PHTF2: variants seen among roughly 807,000 people sequenced by gnomAD.
PHTF2 encodes protein PHTF2.
Under a neutral mutation model 101.2 loss-of-function variants are expected in PHTF2, and 60 were observed. That is an observed-to-expected ratio of 0.59 (90% CI 0.48 to 0.73). The LOEUF (loss-of-function observed/expected upper bound fraction) is 0.73. Among genes scored for constraint, PHTF2 ranks in the 30% least tolerant of loss-of-function variants. PHTF2 has a pLI of 0.00. For missense variants in PHTF2, 747 were observed against 908.7 expected (o/e 0.82, Z 2.29); for synonymous variants, 311 against 307.3 (o/e 1.01, Z -0.13).
chr7:77,884,406 TC>T (rs1371713043), intron 3 of PHTF2, among the ~76,000 whole-genome samples: 5 of 152,160 alleles, frequency 3.3e-5, no homozygotes, highest in African/African-American at 1.2e-4. Flanking sequence ...CTTCTGAGTC[TC>T]CATAGTCCAT....
intron 18 of PHTF2, 133 bp downstream of exon 17, chr7:77,951,845 A>T (rs1584801791): frequency 3.6e-6 from 2 of 553,410 alleles, no homozygotes; most frequent in East Asian, 7.1e-5. Flanking sequence ...ATACTTGTGC[A>T]CATACATACA....
chr7:77,895,423 G>T (rs1800792568), intron 5 of PHTF2, among the ~76,000 whole-genome samples: 1 of 151,970 alleles, frequency 6.6e-6, no homozygotes, highest in Non-Finnish European at 1.5e-5. Context: ...GAAGAGTTGG[G>T]ATAGTCAAGC....
intron 8 of PHTF2, 36 bp downstream of exon 7, chr7:77,908,994 T>C: frequency 7.1e-7 from 1 of 1,409,164 alleles, no homozygotes; most frequent in Non-Finnish European, 9.8e-7. Flanking sequence ...TTTGTACATT[T>C]ATGTAATTTG....
intron 3 of PHTF2, among the ~76,000 whole-genome samples, chr7:77,875,226 AT>A (rs1468249411): frequency 6.6e-6 from 1 of 151,820 alleles, no homozygotes; most frequent in Non-Finnish European, 1.5e-5. Context: ...GGATGTCTTC[AT>A]TTTTTTGTGA....
At chr7:77,805,028 A>T (rs903277406) in intron 1 of PHTF2, among the ~76,000 whole-genome samples, 1 of 152,180 alleles carries the variant, frequency 6.6e-6, no homozygotes, top group Non-Finnish European at 1.5e-5. Flanking sequence ...AGTGACTTGC[A>T]CATGTAGGCT....
At chr7:77,893,736 GT>G (rs1339680655) in intron 4 of PHTF2, 72 bp downstream of exon 3, 5 of 687,406 alleles carry the variant, frequency 7.3e-6, no homozygotes, top group East Asian at 2.7e-5. Context: ...TTTCTGTAGT[GT>G]TTTTTAATAT....
chr7:77,884,540 T>A (rs1799666837), intron 3 of PHTF2, among the ~76,000 whole-genome samples: 1 of 152,210 alleles, frequency 6.6e-6, no homozygotes, highest in Admixed American at 6.5e-5. Context: ...TGATAACATT[T>A]ATTTTTTTAA....
At chr7:77,925,230 G>A (rs141381027) in intron 11 of PHTF2, among the ~76,000 whole-genome samples, 4 of 152,030 alleles carry the variant, frequency 2.6e-5, no homozygotes, top group African/African-American at 9.6e-5. Context: ...CCCCAAGAAA[G>A]CATTTATAAG....
intron 1 of PHTF2, among the ~76,000 whole-genome samples, chr7:77,822,902 AT>A (rs1794403901): frequency 7.1e-6 from 1 of 141,148 alleles, no homozygotes; most frequent in East Asian, 2.0e-4. Context: ...AAATATTTAA[AT>A]CTTTTTTTTT....
At chr7:77,814,724 A>G (rs1793718365) in intron 1 of PHTF2, among the ~76,000 whole-genome samples, 1 of 151,592 alleles carries the variant, frequency 6.6e-6, no homozygotes, top group African/African-American at 2.4e-5. Flanking sequence ...GTTGGCCAGA[A>G]TGGTCTCAAT....
chr7:77,955,016 A>C, exon 20 of PHTF2: 1 of 406,668 alleles, frequency 2.5e-6, no homozygotes, highest in South Asian at 8.0e-5. Flanking sequence ...TGTCTTGTGC[A>C]ATTCTTATAT....
intron 1 of PHTF2, among the ~76,000 whole-genome samples, chr7:77,834,658 A>C (rs1795314961): frequency 6.6e-6 from 1 of 152,178 alleles, no homozygotes; most frequent in Admixed American, 6.5e-5. Flanking sequence ...GCTAGATGGC[A>C]CTTGGGGAAA....
At chr7:77,859,652 C>A (rs1241466430) in intron 3 of PHTF2, among the ~76,000 whole-genome samples, 1 of 151,398 alleles carries the variant, frequency 6.6e-6, no homozygotes, top group Non-Finnish European at 1.5e-5. Context: ...CAGCCGCAAC[C>A]TCCCAGGCCT....
At chr7:77,932,477 A>G (rs1804656168) in intron 12 of PHTF2, among the ~76,000 whole-genome samples, 1 of 152,116 alleles carries the variant, frequency 6.6e-6, no homozygotes, top group South Asian at 2.1e-4. Flanking sequence ...ATCTACTGGC[A>G]ATAAGCGAGA....
intron 3 of PHTF2, among the ~76,000 whole-genome samples, chr7:77,856,480 C>G (rs1797193141): frequency 6.6e-6 from 1 of 152,028 alleles, no homozygotes; most frequent in Admixed American, 6.6e-5. Context: ...ATCAGCCTCC[C>G]AAGTAGCTGG....
intron 1 of PHTF2, among the ~76,000 whole-genome samples, chr7:77,825,337 G>A (rs1309905023): frequency 5.3e-5 from 8 of 152,154 alleles, no homozygotes; most frequent in African/African-American, 1.4e-4. Flanking sequence ...ACAAAATATT[G>A]CGATATCTCA....
chr7:77,926,582 C>CAA (rs1278016592), intron 11 of PHTF2, among the ~76,000 whole-genome samples: 1 of 137,854 alleles, frequency 7.3e-6, no homozygotes, highest in African/African-American at 2.6e-5. Flanking sequence ...AGGAGATGGC[C>CAA]AAAAAAAAAA....
chr7:77,916,847 G>T (rs1165524396), intron 9 of PHTF2, among the ~76,000 whole-genome samples: 1 of 152,126 alleles, frequency 6.6e-6, no homozygotes, highest in African/African-American at 2.4e-5. Context: ...GTCTGTACAT[G>T]TTCAGTACAG....
chr7:77,877,722 G>C (rs1445442312), intron 3 of PHTF2, among the ~76,000 whole-genome samples: 1 of 152,162 alleles, frequency 6.6e-6, no homozygotes, highest in Non-Finnish European at 1.5e-5. Context: ...CGTAAACTGT[G>C]CCAACATCAG....
Sources: allele counts gnomAD v4.1 joint callset (sites outside exome capture counted in the v4.1 genomes callset), GRCh38; gene constraint gnomAD v4.1.1; transcripts MANE v1.5; gene names NCBI Gene and HGNC (gene_info 2026-07-23, HGNC 2026-07-21).